Variants in ADGRD1 observed in about 807,000 individuals in gnomAD.
ADGRD1 encodes adhesion G protein-coupled receptor D1.
Under a neutral mutation model 113.4 loss-of-function variants are expected in ADGRD1, and 77 were observed. That is an observed-to-expected ratio of 0.68 (90% confidence interval 0.57 to 0.82). ADGRD1 has a LOEUF of 0.82. ADGRD1 is among the 40% of genes least tolerant of loss of function. The pLI is 0.00. For missense variants in ADGRD1, 1,036 were observed against 1,139.1 expected, an observed-to-expected ratio of 0.91 and a Z score of 1.30; for synonymous variants, 474 against 475.0, an observed-to-expected ratio of 1.00 and a Z score of 0.03.
intron 18 of ADGRD1, among the ~76,000 whole-genome samples, chr12:131,117,688 G>GA (rs1950501470): frequency 6.6e-6 from 1 of 152,178 alleles, no homozygotes; most frequent in Non-Finnish European, 1.5e-5. Flanking sequence ...AGCCAGGAAG[G>GA]AACCAGCCCA....
intron 14 of ADGRD1, among the ~76,000 whole-genome samples, chr12:131,083,818 C>T (rs1054217304): frequency 2.6e-4 from 40 of 152,176 alleles, no homozygotes; most frequent in Middle Eastern, 3.4e-3. Flanking sequence ...AAGCAAGGGT[C>T]TCCTTAGACC....
At chr12:130,988,320 GGTTT>G (rs747460320) in intron 6 of ADGRD1, 7 of 149,764 alleles carry the variant, frequency 4.7e-5, no homozygotes, top group Non-Finnish European at 9.0e-5. Flanking sequence ...TTCCCCAATG[GGTTT>G]CTTTATTTCC....
chr12:130,961,967 T>TCGCCTC (rs1870422673), intron 2 of ADGRD1, among the ~76,000 whole-genome samples: 1 of 152,194 alleles, frequency 6.6e-6, no homozygotes, highest in African/African-American at 2.4e-5. Flanking sequence ...GTTTTCCACG[T>TCGCCTC]CGCCTCCGCC....
chr12:130,973,288 G>A (rs1042670622), intron 4 of ADGRD1: 8 of 152,218 alleles, frequency 5.3e-5, no homozygotes, highest in Non-Finnish European at 7.3e-5. Context: ...CTGTTTGTGG[G>A]GATCTTGGGC....
intron 13 of ADGRD1, among the ~76,000 whole-genome samples, chr12:131,074,792 G>A (rs547028117): frequency 6.6e-6 from 1 of 152,318 alleles, no homozygotes; most frequent in South Asian, 2.1e-4. Context: ...GGAGGGGAGG[G>A]AGTTTCCCCG....
chr12:131,037,204 C>T (rs373440485), intron 13 of ADGRD1, among the ~76,000 whole-genome samples: 1 of 147,324 alleles, frequency 6.8e-6, no homozygotes, highest in African/African-American at 2.5e-5. Flanking sequence ...TCACTCACTA[C>T]ACCAGGTCTC....
At chr12:131,103,937 G>C (rs111262457) in intron 15 of ADGRD1, among the ~76,000 whole-genome samples, 3 of 152,320 alleles carry the variant, frequency 2.0e-5, no homozygotes, top group African/African-American at 7.2e-5. Context: ...TTAGGAGCCC[G>C]GAGCCTCCTG....
At chr12:131,090,983 A>G (rs1181683921) in intron 15 of ADGRD1, among the ~76,000 whole-genome samples, 5 of 152,212 alleles carry the variant, frequency 3.3e-5, no homozygotes, top group Middle Eastern at 6.8e-3. Flanking sequence ...GGGTGCTTCT[A>G]ACTTCTCCTG....
At chr12:130,980,109 CT>C (rs1294294152) in intron 4 of ADGRD1, among the ~76,000 whole-genome samples, 162 of 144,690 alleles carry the variant, frequency 1.1e-3, no homozygotes, top group Non-Finnish European at 1.0e-3. Context: ...TGCGGTTCCT[CT>C]TTTTTTTTTT....
intron 8 of ADGRD1, among the ~76,000 whole-genome samples, chr12:130,996,290 G>A (rs866541500): frequency 0.027 from 3,941 of 144,412 alleles, 99 homozygotes; most frequent in African/African-American, 0.059. Context: ...TGAGCTGTTG[G>A]GTACACCTCC....
intron 15 of ADGRD1, among the ~76,000 whole-genome samples, chr12:131,103,311 C>T (rs764877726): frequency 1.2e-4 from 18 of 152,270 alleles, no homozygotes; most frequent in African/African-American, 1.9e-4. Context: ...AGGCCAAGGC[C>T]CTGCCTTCTG....
At chr12:131,026,408 C>G (rs565375841) in intron 13 of ADGRD1, 2 of 152,138 alleles carry the variant, frequency 1.3e-5, no homozygotes. Flanking sequence ...ATCGTCTGTC[C>G]GATCTCTCAG....
At chr12:130,982,510 G>C (rs576337487) in intron 5 of ADGRD1, among the ~76,000 whole-genome samples, 115 of 152,026 alleles carry the variant, frequency 7.6e-4, no homozygotes, top group Non-Finnish European at 1.4e-3. Flanking sequence ...CACAGTCTTT[G>C]TCTCTTCCTC....
At chr12:131,090,453 G>A (rs1238600679) in intron 15 of ADGRD1, among the ~76,000 whole-genome samples, 1 of 152,092 alleles carries the variant, frequency 6.6e-6, no homozygotes, top group African/African-American at 2.4e-5. Flanking sequence ...TTCTCTCTCC[G>A]AGGTTTTCCC....
chr12:131,058,337 T>C (rs1566072434), intron 13 of ADGRD1, among the ~76,000 whole-genome samples: 1 of 152,082 alleles, frequency 6.6e-6, no homozygotes, highest in Non-Finnish European at 1.5e-5. Context: ...CCAGGGCGGG[T>C]CGGCTGCTTG....
intron 13 of ADGRD1, chr12:131,024,743 A>G (rs981532037): frequency 1.3e-5 from 2 of 152,240 alleles, no homozygotes; most frequent in African/African-American, 4.8e-5. Context: ...CATTTTCACA[A>G]TGTGTCCTTG....
chr12:131,076,841 G>A lies in ADGRD1; in HGVS notation c.1514G>A (p.Arg505Gln), dbSNP rs752379247. The change falls in exon 14 of 25, where the codon CGA (arginine) becomes CAA (glutamine). Residue 505 changes from arginine (R) to glutamine (Q), a missense_variant. By Grantham distance (43) the Arg-to-Gln change is conservative. Transcript: ENST00000261654. ...AGTGAGGCCACCAACAGCAGCAACCGAGTCTTCGTGTACTGCGCCTTCCTG... is the reference window on the plus strand; with the variant it reads ...AGTGAGGCCACCAACAGCAGCAACCAAGTCTTCGTGTACTGCGCCTTCCTG... ...QHSEATNSSN[R>Q]VFVYCAFLDF... 80 of 1,614,132 alleles carry A rather than the reference G, an allele frequency of 5.0e-5. No homozygotes were observed. In the South Asian group the frequency reaches 6.1e-4, roughly 12 times the overall value.
intron 20 of ADGRD1, among the ~76,000 whole-genome samples, chr12:131,122,487 G>A (rs1950622281): frequency 6.6e-6 from 1 of 152,178 alleles, no homozygotes; most frequent in Admixed American, 6.5e-5. Flanking sequence ...AGAGGCTTCA[G>A]GGAGAGGTCC....
rs574862983 is a variant in ADGRD1, at chr12:131,078,946, G to A, written c.1547+2072G>A. On this transcript the variant is annotated intron_variant, in intron 14 of 24. Coordinates refer to ENST00000261654, the MANE Select transcript of ADGRD1 (RefSeq NM_198827.5). ...AAATGAATACAGTTGTGCAACCACC[G>A]TAATCAGGATTAGAACAATCCATCA... is the stretch of plus-strand genomic sequence containing the variant. Among the ~76,000 whole-genome samples, 7 of 152,224 alleles carry A rather than the reference G, an allele frequency of 4.6e-5. No homozygotes were observed. The South Asian group carries it at 6.2e-4, about 14-fold the overall frequency.
Sources: allele counts gnomAD v4.1 joint callset (sites outside exome capture counted in the v4.1 genomes callset), GRCh38; gene constraint gnomAD v4.1.1; transcripts MANE v1.5; gene names NCBI Gene and HGNC (gene_info 2026-07-23, HGNC 2026-07-21).